Variants in FAF1 observed in about 807,000 individuals in gnomAD.
FAF1 encodes Fas associated factor 1, also known as FAS-associated factor 1.
FAF1 carries 25 observed loss-of-function variants against 92.5 expected under a neutral mutation model. The observed-to-expected ratio is 0.27, with a 90% CI of 0.20 to 0.38. The LOEUF (loss-of-function observed/expected upper bound fraction) is 0.38. Among genes scored for constraint, FAF1 ranks in the 10% least tolerant of loss-of-function variants. FAF1 has a pLI of 1.00. For synonymous variants in FAF1, 234 were observed against 273.2 expected, an observed-to-expected ratio of 0.86 and a Z score of 1.42; for missense variants, 636 against 793.3, an observed-to-expected ratio of 0.80 and a Z score of 2.38.
At chr1:50,918,877 T>C (rs1453147725) in intron 1 of FAF1, among the ~76,000 whole-genome samples, 2 of 150,426 alleles carry the variant, frequency 1.3e-5, no homozygotes, top group East Asian at 2.0e-4. Context: ...TTTTTAATGA[T>C]TGCCATTCTA....
intron 1 of FAF1, among the ~76,000 whole-genome samples, chr1:50,923,959 A>T (rs1334471379): frequency 5.9e-5 from 9 of 152,358 alleles, no homozygotes; most frequent in African/African-American, 2.2e-4. Context: ...ACCCACAGCT[A>T]GCATCATACT....
At chr1:50,597,587 ACAT>A (rs760444400) in intron 8 of FAF1, among the ~76,000 whole-genome samples, 123 of 152,184 alleles carry the variant, frequency 8.1e-4, no homozygotes, top group Non-Finnish European at 1.3e-3. Flanking sequence ...CAATTATACT[ACAT>A]CAACACAAAA....
intron 4 of FAF1, among the ~76,000 whole-genome samples, chr1:50,766,014 C>T (rs554609669): frequency 1.3e-5 from 2 of 152,216 alleles, no homozygotes; most frequent in South Asian, 2.1e-4. Flanking sequence ...ATAGCTTGAA[C>T]CCGGGAGGCG....
chr1:50,945,897 C>T (rs1008445569), intron 1 of FAF1, among the ~76,000 whole-genome samples: 1 of 152,190 alleles, frequency 6.6e-6, no homozygotes, highest in African/African-American at 2.4e-5. Context: ...GTCTGCATAG[C>T]TAGTACAGAG....
chr1:50,682,454 T>A (rs1331817918), intron 7 of FAF1, among the ~76,000 whole-genome samples: 1 of 152,142 alleles, frequency 6.6e-6, no homozygotes, highest in Admixed American at 6.5e-5. Flanking sequence ...TGCAGAGAGC[T>A]GTGGAACTGT....
intron 7 of FAF1, among the ~76,000 whole-genome samples, chr1:50,697,682 C>G (rs531974153): frequency 2.0e-5 from 3 of 152,256 alleles, no homozygotes; most frequent in Non-Finnish European, 4.4e-5. Flanking sequence ...AACCCTAGAA[C>G]AATCCAGTAC....
chr1:50,493,631 T>G (rs1465003540), intron 15 of FAF1, among the ~76,000 whole-genome samples: 1 of 152,206 alleles, frequency 6.6e-6, no homozygotes, highest in African/African-American at 2.4e-5. Context: ...CACTGTAAGC[T>G]CCACAAAGGC....
chr1:50,553,509 T>A (rs1649409226), intron 13 of FAF1, among the ~76,000 whole-genome samples: 1 of 152,198 alleles, frequency 6.6e-6, no homozygotes, highest in Admixed American at 6.5e-5. Flanking sequence ...AAATCTGGTT[T>A]AGCATCAACT....
At chr1:50,491,180 A>G (rs1646834981) in intron 16 of FAF1, among the ~76,000 whole-genome samples, 3 of 152,168 alleles carry the variant, frequency 2.0e-5, no homozygotes, top group Admixed American at 6.5e-5. Flanking sequence ...CTGGAAAAAA[A>G]TTTCCACTGA....
intron 1 of FAF1, among the ~76,000 whole-genome samples, chr1:50,952,681 G>A (rs533400330): frequency 1.4e-3 from 218 of 151,052 alleles, no homozygotes; most frequent in African/African-American, 5.1e-3. Context: ...CTGCCCGGCC[G>A]CCCATCGTCT....
At chr1:50,940,539 C>T (rs1275833007) in intron 1 of FAF1, among the ~76,000 whole-genome samples, 1 of 152,186 alleles carries the variant, frequency 6.6e-6, no homozygotes, top group Non-Finnish European at 1.5e-5. Flanking sequence ...GGATTATAGG[C>T]ATGAGCCAAC....
At chr1:50,660,636 G>A (rs1655332232) in intron 7 of FAF1, among the ~76,000 whole-genome samples, 1 of 151,938 alleles carries the variant, frequency 6.6e-6, no homozygotes, top group African/African-American at 2.4e-5. Flanking sequence ...TGGGATTACA[G>A]GAGTGTGCCA....
chr1:50,518,547 T>G (rs1647323840), intron 15 of FAF1, among the ~76,000 whole-genome samples: 1 of 152,002 alleles, frequency 6.6e-6, no homozygotes. Flanking sequence ...TTCACGCCAT[T>G]CTCCTGCCTC....
intron 15 of FAF1, among the ~76,000 whole-genome samples, chr1:50,529,722 T>A (rs1572811346): frequency 6.6e-6 from 1 of 152,218 alleles, no homozygotes; most frequent in African/African-American, 2.4e-5. Context: ...AGTTGCTCCC[T>A]GGGCTTCATC....
At chr1:50,608,320 G>C (rs964423920) in intron 8 of FAF1, among the ~76,000 whole-genome samples, 2 of 152,098 alleles carry the variant, frequency 1.3e-5, no homozygotes, top group African/African-American at 4.8e-5. Flanking sequence ...CCTCAATTTG[G>C]TCAGGTGCCT....
At chr1:50,682,815 C>T (rs781568497) in intron 7 of FAF1, among the ~76,000 whole-genome samples, 2 of 151,950 alleles carry the variant, frequency 1.3e-5, no homozygotes, top group Non-Finnish European at 2.9e-5. Flanking sequence ...TGAATATGGC[C>T]GGGCGTGGTG....
At chr1:50,747,436 T>C (rs957836485) in intron 4 of FAF1, among the ~76,000 whole-genome samples, 5 of 152,220 alleles carry the variant, frequency 3.3e-5, no homozygotes, top group African/African-American at 9.6e-5. Flanking sequence ...ACAAGGCCTA[T>C]AGCATCATTC....
intron 17 of FAF1, among the ~76,000 whole-genome samples, chr1:50,487,513 T>C (rs1646782049): frequency 6.6e-6 from 1 of 152,204 alleles, no homozygotes; most frequent in Non-Finnish European, 1.5e-5. Context: ...AAAGAATAAG[T>C]ACATATATAA....
intron 1 of FAF1, among the ~76,000 whole-genome samples, chr1:50,952,179 C>A (rs540899748): frequency 9.1e-4 from 139 of 152,340 alleles, no homozygotes; most frequent in Non-Finnish European, 1.6e-3. Context: ...ACTGGACTGC[C>A]GCCATCTCGG....
Sources: allele counts gnomAD v4.1 joint callset (sites outside exome capture counted in the v4.1 genomes callset), GRCh38; gene constraint gnomAD v4.1.1; transcripts MANE v1.5; gene names NCBI Gene and HGNC (gene_info 2026-07-23, HGNC 2026-07-21).